Variants in CALD1 observed in about 807,000 individuals in gnomAD.
CALD1 encodes the protein caldesmon.
Under a neutral mutation model 99.9 loss-of-function variants are expected in CALD1, and 33 were observed. The observed-to-expected ratio is 0.33, with a 90% CI of 0.25 to 0.44. The LOEUF (loss-of-function observed/expected upper bound fraction) is 0.44, where lower values mean the gene tolerates loss of function less well. Among genes scored for constraint, CALD1 ranks in the 20% least tolerant of loss-of-function variants. The pLI is 1.00. For missense variants in CALD1, 861 were observed against 962.1 expected (o/e 0.89, Z 1.39); for synonymous variants, 310 against 325.0 (o/e 0.95, Z 0.50).
At chr7:134,808,208 C>G (rs921210828) in intron 1 of CALD1, among the ~76,000 whole-genome samples, 6 of 151,748 alleles carry the variant, frequency 4.0e-5, no homozygotes, top group Non-Finnish European at 8.8e-5. Context: ...TCAAGCAATC[C>G]TCCCACCTCA....
intron 3 of CALD1, among the ~76,000 whole-genome samples, chr7:134,907,274 A>G (rs111278612): frequency 1.9e-4 from 29 of 152,274 alleles, no homozygotes; most frequent in African/African-American, 5.3e-4. Flanking sequence ...TAAAAAAACC[A>G]GGTTTAACTG....
chr7:134,948,821 T>C (rs1227375613), intron 8 of CALD1, among the ~76,000 whole-genome samples: 1 of 152,040 alleles, frequency 6.6e-6, no homozygotes, highest in Non-Finnish European at 1.5e-5. Flanking sequence ...TTGGGAAGTA[T>C]GGGAAGTAAT....
chr7:134,908,815 C>CTATA (rs758958399), intron 3 of CALD1, among the ~76,000 whole-genome samples: 60 of 149,212 alleles, frequency 4.0e-4, no homozygotes, highest in African/African-American at 1.1e-3. Context: ...CAAGAAAATA[C>CTATA]TATATATATA....
At chr7:134,947,383 CT>C in intron 7 of CALD1, 124 bp from the exon 8 acceptor site, 1 of 978,298 alleles carries the variant, frequency 1.0e-6, no homozygotes, top group Non-Finnish European at 1.5e-6. Context: ...AGCCTACCCC[CT>C]GGGCTAATGA....
At chr7:134,736,811 A>T in the CALD1 span, among the ~76,000 whole-genome samples, 1 of 152,150 alleles carries the variant, frequency 6.6e-6, no homozygotes, top group Non-Finnish European at 1.5e-5. Flanking sequence ...GCTTTCTCTA[A>T]TATTGCCTCA....
intron 2 of CALD1, among the ~76,000 whole-genome samples, chr7:134,856,605 C>A (rs1800312943): frequency 1.3e-5 from 2 of 152,170 alleles, no homozygotes; most frequent in Non-Finnish European, 2.9e-5. Flanking sequence ...AATTCTGATT[C>A]TCTTCTTTTC....
At chr7:134,919,989 T>A (rs1252377536) in intron 3 of CALD1, among the ~76,000 whole-genome samples, 1 of 152,162 alleles carries the variant, frequency 6.6e-6, no homozygotes, top group Non-Finnish European at 1.5e-5. Flanking sequence ...AGGAAAAAAA[T>A]TCAGAGTTGG....
chr7:134,937,002 GAA>G (rs1806033525), intron 6 of CALD1, among the ~76,000 whole-genome samples: 1 of 152,148 alleles, frequency 6.6e-6, no homozygotes. Context: ...AAAGAAAAAT[GAA>G]AGTTACCTCA....
At chr7:134,908,070 A>G (rs1285274854) in intron 3 of CALD1, among the ~76,000 whole-genome samples, 1 of 152,184 alleles carries the variant, frequency 6.6e-6, no homozygotes, top group Non-Finnish European at 1.5e-5. Context: ...TAGGAATATC[A>G]TGCTGACACA....
intron 6 of CALD1, among the ~76,000 whole-genome samples, chr7:134,938,599 G>T (rs1489596742): frequency 1.3e-5 from 2 of 152,070 alleles, no homozygotes; most frequent in African/African-American, 2.4e-5. Flanking sequence ...TTCCCAGGGG[G>T]CTCAGAATCC....
intron 8 of CALD1, 145 bp downstream of exon 8, chr7:134,947,914 A>G (rs1229716457): frequency 2.0e-6 from 2 of 985,640 alleles, no homozygotes; most frequent in African/African-American, 1.6e-5. Context: ...TATAACTTGT[A>G]GATGTATTAA....
chr7:134,730,073 G>A, the CALD1 span, among the ~76,000 whole-genome samples: 1 of 152,130 alleles, frequency 6.6e-6, no homozygotes, highest in Non-Finnish European at 1.5e-5. Context: ...CCTGGGGAAT[G>A]TCTTAGCTCT....
In CALD1 at chr7:134,950,296, G is replaced by GCT; in HGVS notation, c.1795-70_1795-69dup. ...CTGAGTCTGCTGCCTCTCCAACTGT[G>GCT]CTCTCTCTCCTACAGCACTCTTCCC... On this transcript the variant is annotated intron_variant, in intron 8 of 14. Transcript: ENST00000361675. 3.5e-6 allele frequency: 5 copies of GCT among 1,433,562 alleles called. No homozygotes were observed. The South Asian group carries it at 6.2e-5, about 18-fold the overall frequency. The allele number at this position is 1,433,562 out of a possible 1,614,324, so 88.8% of individuals were successfully genotyped here.
At chr7:134,845,654 G>A (rs1005579839) in intron 2 of CALD1, among the ~76,000 whole-genome samples, 2 of 152,224 alleles carry the variant, frequency 1.3e-5, no homozygotes, top group Non-Finnish European at 2.9e-5. Flanking sequence ...TGAAGGTCAG[G>A]TGAGAACCAG....
chr7:134,947,466 G>A (rs1190418446), intron 7 of CALD1, 42 bp from the exon 8 acceptor site: 3 of 1,543,710 alleles, frequency 1.9e-6, no homozygotes, highest in East Asian at 4.9e-5. Flanking sequence ...GAGACTACAG[G>A]CAAAAGCATG....
chr7:134,862,121 T>C (rs1303005055), intron 2 of CALD1, among the ~76,000 whole-genome samples: 6 of 152,240 alleles, frequency 3.9e-5, no homozygotes, highest in Non-Finnish European at 7.3e-5. Flanking sequence ...ACCGAAGGCA[T>C]AGGTAATTTT....
chr7:134,932,834 A>G (rs1485242159), intron 4 of CALD1, among the ~76,000 whole-genome samples, 154 bp from the exon 5 acceptor site: 1 of 152,228 alleles, frequency 6.6e-6, no homozygotes, highest in Non-Finnish European at 1.5e-5. Context: ...GCTGAAAGCC[A>G]GGCAGGCGTG....
At chr7:134,797,712 C>A (rs1797799242) in intron 1 of CALD1, among the ~76,000 whole-genome samples, 1 of 152,138 alleles carries the variant, frequency 6.6e-6, no homozygotes, top group South Asian at 2.1e-4. Context: ...CCTGCCTCAG[C>A]CTCCCGAGTA....
chr7:134,713,670 A>G, the CALD1 span, among the ~76,000 whole-genome samples: 1 of 152,174 alleles, frequency 6.6e-6, no homozygotes, highest in Non-Finnish European at 1.5e-5. Flanking sequence ...ATATCCTTCA[A>G]TAAAGAAACT....
Sources: gnomAD v4.1 joint callset for allele counts (sites outside exome capture counted in the v4.1 genomes callset) on GRCh38, gnomAD v4.1.1 for gene constraint, MANE v1.5 for transcripts, NCBI Gene and HGNC (gene_info 2026-07-23, HGNC 2026-07-21) for gene names.